UNC13C: variants seen among roughly 807,000 people sequenced by gnomAD.
The protein encoded by UNC13C is protein unc-13 homolog C.
In UNC13C, 174 loss-of-function variants were observed where a neutral mutation model predicts 245.4. The observed-to-expected ratio is 0.71, with a 90% CI of 0.63 to 0.80. The LOEUF (loss-of-function observed/expected upper bound fraction) is 0.80. Among genes scored for constraint, UNC13C ranks in the 30% least tolerant of loss-of-function variants. The probability of loss-of-function intolerance (pLI) is 0.00; values close to 1 mark genes in which losing one functional copy is unlikely to be tolerated. For synonymous variants in UNC13C, 992 were observed against 895.1 expected, an observed-to-expected ratio of 1.11 and a Z score of -1.93; for missense variants, 2,829 against 2,602.9, an observed-to-expected ratio of 1.09 and a Z score of -1.89.
rs560231141 is a variant in UNC13C at position 54,261,779 on chromosome 15, G to GA, written c.3449-2389_3449-2388insA. Among the ~76,000 whole-genome samples the GA allele has an allele frequency of 7.2e-5, 11 of 152,272 alleles. No homozygotes were observed. In the South Asian group the frequency reaches 2.3e-3, roughly 32 times the overall value. ...CAGATGGTCACAATCTCCTGACCTT[G>GA]TGATCTGCTGGCCTCGGCCTCCCAA... On this transcript the variant is annotated intron_variant, in intron 8 of 32. Transcript: ENST00000260323.
intron 4 of UNC13C, among the ~76,000 whole-genome samples, chr15:54,167,533 A>G (rs12911041): frequency 0.26 from 35,344 of 135,784 alleles, 5,603 homozygotes; most frequent in East Asian, 0.32. Context: ...AAGAAAAATA[A>G]GAGAAGATAC....
At chr15:54,155,434 A>G (rs1487600477) in intron 4 of UNC13C, among the ~76,000 whole-genome samples, 2 of 152,208 alleles carry the variant, frequency 1.3e-5, no homozygotes, top group African/African-American at 4.8e-5. Context: ...GAATGTGGAA[A>G]TGAGGCTCTG....
intron 2 of UNC13C, among the ~76,000 whole-genome samples, chr15:54,043,148 A>G (rs1483045753): frequency 6.6e-6 from 1 of 152,170 alleles, no homozygotes; most frequent in Non-Finnish European, 1.5e-5. Context: ...CATTTTTAAA[A>G]CCATATATTT....
intron 26 of UNC13C, among the ~76,000 whole-genome samples, chr15:54,537,581 C>T (rs911698398): frequency 1.3e-5 from 2 of 152,064 alleles, no homozygotes; most frequent in Non-Finnish European, 2.9e-5. Flanking sequence ...TGACTTCAAA[C>T]TATACCATAA....
the UNC13C span, among the ~76,000 whole-genome samples, chr15:53,875,981 G>A: frequency 6.6e-6 from 1 of 152,162 alleles, no homozygotes; most frequent in Non-Finnish European, 1.5e-5. Context: ...TAAACTAGAA[G>A]TTCTCTCAGA....
At chr15:54,150,701 A>G (rs988598975) in intron 4 of UNC13C, among the ~76,000 whole-genome samples, 6 of 152,160 alleles carry the variant, frequency 3.9e-5, no homozygotes, top group Admixed American at 1.3e-4. Flanking sequence ...AGCTTTTGAT[A>G]TTAACTACAA....
intron 19 of UNC13C, among the ~76,000 whole-genome samples, chr15:54,493,634 C>T (rs1893822613): frequency 6.6e-6 from 1 of 152,032 alleles, no homozygotes; most frequent in South Asian, 2.1e-4. Flanking sequence ...GATGTTTCTG[C>T]TATAAATCAA....
chr15:54,471,924 C>A (rs1892482546), intron 19 of UNC13C, among the ~76,000 whole-genome samples: 1 of 151,610 alleles, frequency 6.6e-6, no homozygotes, highest in Non-Finnish European at 1.5e-5. Flanking sequence ...CTACTCTATG[C>A]CTTTTGATTA....
intron 4 of UNC13C, among the ~76,000 whole-genome samples, chr15:54,228,029 CT>C (rs2035442334): frequency 6.6e-6 from 1 of 152,178 alleles, no homozygotes; most frequent in South Asian, 2.1e-4. Flanking sequence ...ACCTGGTGCT[CT>C]ATTCTCCTGC....
chr15:53,942,740 T>C, the UNC13C span, among the ~76,000 whole-genome samples: 2 of 152,102 alleles, frequency 1.3e-5, no homozygotes, highest in African/African-American at 4.8e-5. Flanking sequence ...CTTGGCTCAG[T>C]GCAACTTCCA....
chr15:54,417,441 G>A (rs965074746), intron 19 of UNC13C, among the ~76,000 whole-genome samples: 3 of 152,066 alleles, frequency 2.0e-5, no homozygotes, highest in African/African-American at 7.2e-5. Flanking sequence ...GTATCATAAT[G>A]TATAAGCTAA....
chr15:54,253,225 T>A (rs2036198189), intron 8 of UNC13C, among the ~76,000 whole-genome samples: 1 of 152,216 alleles, frequency 6.6e-6, no homozygotes, highest in South Asian at 2.1e-4. Context: ...AGTCTTGGGT[T>A]TGTGACTTGT....
intron 17 of UNC13C, among the ~76,000 whole-genome samples, chr15:54,388,338 C>T (rs2039880637): frequency 6.6e-6 from 1 of 152,136 alleles, no homozygotes; most frequent in African/African-American, 2.4e-5. Context: ...TAGGCTTCAA[C>T]ATTCAACACT....
chr15:53,938,603 TA>T, the UNC13C span, among the ~76,000 whole-genome samples: 1 of 152,156 alleles, frequency 6.6e-6, no homozygotes, highest in Non-Finnish European at 1.5e-5. Context: ...GGTCACATAA[TA>T]AGAAGTAAAA....
intron 17 of UNC13C, among the ~76,000 whole-genome samples, chr15:54,362,743 A>T (rs921600129): frequency 1.3e-5 from 2 of 152,152 alleles, no homozygotes; most frequent in African/African-American, 4.8e-5. Context: ...ATCGAAAATC[A>T]CTCATCTACT....
At chr15:53,983,033 A>G (rs1209373663) in intron 1 of UNC13C, among the ~76,000 whole-genome samples, 1 of 152,148 alleles carries the variant, frequency 6.6e-6, no homozygotes, top group Non-Finnish European at 1.5e-5. Context: ...GTTTTCCTTC[A>G]GACAACAAGG....
intron 2 of UNC13C, among the ~76,000 whole-genome samples, chr15:54,075,005 A>G (rs1274564366): frequency 3.9e-5 from 6 of 152,246 alleles, no homozygotes; most frequent in Middle Eastern, 3.4e-3. Context: ...GTAGGTTTTT[A>G]GTATCATCAA....
At chr15:54,186,856 T>TATATATATATATATATA (rs1567079918) in intron 4 of UNC13C, among the ~76,000 whole-genome samples, 17 of 120,214 alleles carry the variant, frequency 1.4e-4, no homozygotes, top group South Asian at 2.2e-4. Flanking sequence ...TATATATATA[T>TATATATATATATATATA]TTTGTTTTTT....
chr15:54,569,835 A>G (rs1030968721), intron 30 of UNC13C, among the ~76,000 whole-genome samples: 4 of 151,780 alleles, frequency 2.6e-5, no homozygotes, highest in African/African-American at 9.7e-5. Context: ...GGTAGGATAT[A>G]GATACGAAAT....
Sources: allele counts gnomAD v4.1 joint callset (sites outside exome capture counted in the v4.1 genomes callset), GRCh38; gene constraint gnomAD v4.1.1; transcripts MANE v1.5; gene names NCBI Gene and HGNC (gene_info 2026-07-23, HGNC 2026-07-21).